Variants in NRCAM observed in about 807,000 individuals in gnomAD.
NRCAM encodes the protein neuronal cell adhesion molecule.
In NRCAM, 83 loss-of-function variants were observed where a neutral mutation model predicts 156.5. The ratio of observed to expected loss-of-function variants is 0.53; its 90% CI spans 0.44 to 0.64. NRCAM has a LOEUF of 0.64. Among genes scored for constraint, NRCAM ranks in the 30% least tolerant of loss-of-function variants. The pLI, the probability that NRCAM is intolerant of heterozygous loss-of-function variation, is 0.00. For synonymous variants in NRCAM, 538 were observed against 563.9 expected (o/e 0.95, Z 0.65); for missense variants, 1,417 against 1,597.3 (o/e 0.89, Z 1.92).
intron 2 of NRCAM, among the ~76,000 whole-genome samples, chr7:108,339,125 T>C (rs527477452): frequency 7.5e-4 from 115 of 152,336 alleles, no homozygotes; most frequent in African/African-American, 2.6e-3. Flanking sequence ...TCACTGATAA[T>C]TCCCTTAACC....
intron 2 of NRCAM, among the ~76,000 whole-genome samples, chr7:108,397,231 A>G (rs149023633): frequency 6.6e-6 from 1 of 152,300 alleles, no homozygotes; most frequent in Non-Finnish European, 1.5e-5. Context: ...TGTATGAAAA[A>G]GTGACAGATT....
chr7:108,240,124 T>A lies in NRCAM; in HGVS notation c.-60A>T. On this transcript the variant is annotated 5_prime_UTR_variant, in exon 4 of 33. Transcript: ENST00000379028. Reference sequence around the variant, plus strand: ...TTCCTTTTCTTCTTTCACAAAAGATTTTGTGAAACGTTGTGTGCAACGTTT... The same window carrying A: ...TTCCTTTTCTTCTTTCACAAAAGATATTGTGAAACGTTGTGTGCAACGTTT... 4.8e-6 allele frequency: 6 copies of A among 1,238,436 alleles called. No homozygotes were observed. Among genetic ancestry groups the A allele is most frequent in the Non-Finnish European group, 7.1e-6 (6 of 848,436 alleles). The allele number at this position is 1,238,436 out of a possible 1,614,324, so 76.7% of individuals were successfully genotyped here. A position where few individuals can be genotyped will look rare whatever the true frequency, so the allele number is the denominator to read the frequency against.
chr7:108,436,135 A>G (rs886168329), intron 1 of NRCAM, among the ~76,000 whole-genome samples: 24 of 152,126 alleles, frequency 1.6e-4, no homozygotes, highest in Admixed American at 6.5e-5. Flanking sequence ...CTCCGTCTCA[A>G]ATAAATAAAT....
chr7:108,360,367 G>C (rs2154316445), intron 2 of NRCAM, among the ~76,000 whole-genome samples: 1 of 152,276 alleles, frequency 6.6e-6, no homozygotes, highest in East Asian at 1.9e-4. Context: ...CCCTGAAAAA[G>C]AGGCACAGGT....
At chr7:108,371,733 G>C (rs1264648637) in intron 2 of NRCAM, among the ~76,000 whole-genome samples, 1 of 152,108 alleles carries the variant, frequency 6.6e-6, no homozygotes, top group Non-Finnish European at 1.5e-5. Context: ...CAGTTATATA[G>C]ATGACATGGA....
chr7:108,444,226 C>G (rs190173220), intron 1 of NRCAM, among the ~76,000 whole-genome samples: 2 of 151,916 alleles, frequency 1.3e-5, no homozygotes, highest in African/African-American at 4.8e-5. Context: ...AATACTACAC[C>G]GTTTTATATC....
At chr7:108,279,306 T>G (rs1283514623) in intron 3 of NRCAM, among the ~76,000 whole-genome samples, 1 of 152,214 alleles carries the variant, frequency 6.6e-6, no homozygotes, top group East Asian at 1.9e-4. Flanking sequence ...ATATTTGACA[T>G]TTTTACATAC....
chr7:108,349,784 C>G (rs1296170384), intron 2 of NRCAM, among the ~76,000 whole-genome samples: 1 of 152,098 alleles, frequency 6.6e-6, no homozygotes, highest in Non-Finnish European at 1.5e-5. Context: ...TAGTCTCTGA[C>G]CCATCTCCTT....
intron 2 of NRCAM, among the ~76,000 whole-genome samples, chr7:108,349,676 A>G (rs1168302728): frequency 1.3e-5 from 2 of 152,132 alleles, no homozygotes; most frequent in Non-Finnish European, 2.9e-5. Context: ...GAACATTATT[A>G]ATGGTTTGAT....
intron 2 of NRCAM, among the ~76,000 whole-genome samples, chr7:108,391,477 T>G (rs1373413208): frequency 1.3e-5 from 2 of 152,026 alleles, no homozygotes; most frequent in African/African-American, 4.8e-5. Context: ...TCTCTGCATG[T>G]GAGATGGGTT....
At chr7:108,246,132 T>C (rs909701574) in intron 3 of NRCAM, among the ~76,000 whole-genome samples, 3 of 152,182 alleles carry the variant, frequency 2.0e-5, no homozygotes, top group African/African-American at 7.2e-5. Context: ...AACTAGTTCT[T>C]TGCAAACGAA....
At chr7:108,180,038 A>G (rs931280838) in intron 25 of NRCAM, among the ~76,000 whole-genome samples, 185 bp downstream of exon 25, 10 of 152,178 alleles carry the variant, frequency 6.6e-5, no homozygotes, top group Non-Finnish European at 8.8e-5. Context: ...GAAGCCTTCT[A>G]TGTACACTTA....
At chr7:108,218,527 A>G (rs1480344372) in intron 11 of NRCAM, among the ~76,000 whole-genome samples, 1 of 152,198 alleles carries the variant, frequency 6.6e-6, no homozygotes, top group Non-Finnish European at 1.5e-5. Flanking sequence ...ACCACAGTGG[A>G]ATAAAAGTGG....
intron 32 of NRCAM, chr7:108,156,369 GA>G (rs2045493543): frequency 2.0e-6 from 2 of 983,768 alleles, no homozygotes; most frequent in South Asian, 9.4e-5. Flanking sequence ...TGGATCTAAA[GA>G]ATAAAAAAAT....
chr7:108,294,332 G>T (rs1258105603), intron 3 of NRCAM, among the ~76,000 whole-genome samples: 2 of 149,538 alleles, frequency 1.3e-5, no homozygotes, highest in African/African-American at 4.9e-5. Context: ...AGGGCTAACT[G>T]CTTCGAATCT....
At chr7:108,166,197 T>C (rs1188547127) in intron 30 of NRCAM, among the ~76,000 whole-genome samples, 1 of 152,130 alleles carries the variant, frequency 6.6e-6, no homozygotes, top group Non-Finnish European at 1.5e-5. Context: ...TGCAGGGTTC[T>C]GCTGGGTTGT....
chr7:108,151,883 G>T (rs1234388328), intron 32 of NRCAM, among the ~76,000 whole-genome samples: 1 of 152,092 alleles, frequency 6.6e-6, no homozygotes, highest in African/African-American at 2.4e-5. Context: ...GTCTTATTCT[G>T]CTCTGTAGAA....
intron 5 of NRCAM, among the ~76,000 whole-genome samples, chr7:108,235,507 C>G (rs1459616698): frequency 6.6e-6 from 1 of 152,110 alleles, no homozygotes; most frequent in African/African-American, 2.4e-5. Flanking sequence ...TTTTTACAAC[C>G]TGTTTTTTCT....
At chr7:108,250,590 C>T (rs2096281234) in intron 3 of NRCAM, among the ~76,000 whole-genome samples, 1 of 150,846 alleles carries the variant, frequency 6.6e-6, no homozygotes, top group Non-Finnish European at 1.5e-5. Flanking sequence ...AATGGTCACC[C>T]GAGACTCGGA....
Sources: gnomAD v4.1 joint callset for allele counts (sites outside exome capture counted in the v4.1 genomes callset) on GRCh38, gnomAD v4.1.1 for gene constraint, MANE v1.5 for transcripts, NCBI Gene and HGNC (gene_info 2026-07-23, HGNC 2026-07-21) for gene names.